Variants in TRPM3 observed in about 807,000 individuals in gnomAD.
The protein encoded by TRPM3 is long transient receptor potential channel 3.
TRPM3 carries 77 observed loss-of-function variants against 181.2 expected under a neutral mutation model. The observed-to-expected ratio is 0.42, with a 90% CI of 0.35 to 0.51. TRPM3 has a LOEUF of 0.51. Among genes scored for constraint, TRPM3 ranks in the 20% least tolerant of loss-of-function variants. The pLI is 0.01. For synonymous variants in TRPM3, 745 were observed against 796.4 expected (o/e 0.94, Z 1.09); for missense variants, 1,759 against 2,196.7 (o/e 0.80, Z 3.98).
At chr9:70,983,467 T>G (rs990976842) in intron 1 of TRPM3, among the ~76,000 whole-genome samples, 2 of 152,146 alleles carry the variant, frequency 1.3e-5, no homozygotes, top group African/African-American at 4.8e-5. Context: ...TGTGCCAGCA[T>G]TTTCTCTCTC....
intron 6 of TRPM3, among the ~76,000 whole-genome samples, chr9:70,796,147 G>A (rs2086963080): frequency 1.3e-5 from 2 of 152,106 alleles, no homozygotes; most frequent in South Asian, 2.1e-4. Flanking sequence ...TTTATAATAC[G>A]CTACCCATGT....
At chr9:71,329,167 A>T (rs1034735664) in intron 1 of TRPM3, among the ~76,000 whole-genome samples, 2 of 152,254 alleles carry the variant, frequency 1.3e-5, no homozygotes, top group Non-Finnish European at 2.9e-5. Flanking sequence ...CACACATAAC[A>T]GTAACAGTAG....
At chr9:70,869,252 C>G (rs972458885) in intron 1 of TRPM3, among the ~76,000 whole-genome samples, 8 of 151,920 alleles carry the variant, frequency 5.3e-5, no homozygotes, top group African/African-American at 1.7e-4. Context: ...TCAAACACTG[C>G]TTGATTTGAA....
chr9:70,752,859 C>T (rs1216790701), intron 8 of TRPM3, among the ~76,000 whole-genome samples: 1 of 152,128 alleles, frequency 6.6e-6, no homozygotes, highest in Non-Finnish European at 1.5e-5. Flanking sequence ...CCTGTACTCT[C>T]AGCACTTTGG....
intron 3 of TRPM3, 101 bp downstream of exon 3, chr9:70,862,807 A>C (rs2095555624): frequency 8.5e-7 from 1 of 1,173,368 alleles, no homozygotes; most frequent in Non-Finnish European, 1.3e-6. Context: ...GGCAGAGTGG[A>C]GATTAGGCCC....
chr9:70,611,481 C>T (rs2061993384), intron 18 of TRPM3, among the ~76,000 whole-genome samples: 1 of 152,142 alleles, frequency 6.6e-6, no homozygotes, highest in Non-Finnish European at 1.5e-5. Context: ...CCATATAAGA[C>T]ATGCCTTGCT....
chr9:71,349,312 C>T (rs2091467479), intron 1 of TRPM3, among the ~76,000 whole-genome samples: 2 of 152,128 alleles, frequency 1.3e-5, no homozygotes, highest in Admixed American at 1.3e-4. Flanking sequence ...GGACCTTGTA[C>T]TGTTTTGAAA....
intron 4 of TRPM3, among the ~76,000 whole-genome samples, chr9:70,844,997 A>T (rs1373764445): frequency 6.6e-6 from 1 of 152,204 alleles, no homozygotes; most frequent in Non-Finnish European, 1.5e-5. Context: ...TTTGATTACT[A>T]CAGGATAAGG....
chr9:71,336,939 T>C (rs1199879918), intron 1 of TRPM3, among the ~76,000 whole-genome samples: 2 of 152,146 alleles, frequency 1.3e-5, no homozygotes, highest in African/African-American at 2.4e-5. Flanking sequence ...TTACACCTTA[T>C]ACAAAATTTA....
At chr9:71,077,464 C>A (rs530761124) in intron 1 of TRPM3, among the ~76,000 whole-genome samples, 1 of 152,204 alleles carries the variant, frequency 6.6e-6, no homozygotes, top group South Asian at 2.1e-4. Flanking sequence ...CATAGATATA[C>A]ATATCCTATG....
intron 1 of TRPM3, among the ~76,000 whole-genome samples, chr9:70,941,691 G>A (rs1031012569): frequency 2.0e-5 from 3 of 152,194 alleles, no homozygotes; most frequent in African/African-American, 7.2e-5. Context: ...AGAAAGGCAA[G>A]AGGCATTTTA....
At chr9:70,831,194 G>T (rs1233909320) in intron 5 of TRPM3, among the ~76,000 whole-genome samples, 2 of 152,048 alleles carry the variant, frequency 1.3e-5, no homozygotes, top group Non-Finnish European at 2.9e-5. Flanking sequence ...ATTCTTCATA[G>T]CAAACGTACC....
Position 71,121,572 on chromosome 9 carries a change from G to T in TRPM3, c.-218C>A. 7.4e-7 allele frequency: 1 copy of T among 1,351,650 alleles called. No individual in the cohort carries two copies. Among genetic ancestry groups the T allele is most frequent in the Non-Finnish European group, 9.5e-7 (1 of 1,054,256 alleles). 83.7% of individuals were successfully genotyped at this position (1,351,650 alleles called of 1,614,324 possible). Reference sequence around the variant, plus strand: ...TGCACGATTTTGAAGAAGAGGGACAGCCTGCACAAAACAGCCTGTGGTCGG... The same window carrying T: ...TGCACGATTTTGAAGAAGAGGGACATCCTGCACAAAACAGCCTGTGGTCGG... On this transcript the variant is annotated 5_prime_UTR_variant, in exon 1 of 26. In the 5' UTR this introduces an upstream ATG that the reference lacks. Coordinates refer to ENST00000677713, the MANE Select transcript of TRPM3 (RefSeq NM_001366145.2).
intron 7 of TRPM3, among the ~76,000 whole-genome samples, chr9:70,781,446 T>A (rs1248752196): frequency 3.3e-5 from 5 of 151,834 alleles, no homozygotes; most frequent in Non-Finnish European, 5.9e-5. Flanking sequence ...GTTGATCAGC[T>A]TGGACACTGG....
intron 9 of TRPM3, among the ~76,000 whole-genome samples, chr9:70,650,827 T>G (rs2133781659): frequency 6.6e-6 from 1 of 152,316 alleles, no homozygotes; most frequent in African/African-American, 2.4e-5. Context: ...CATTCTTGAG[T>G]GCTATTCATA....
At chr9:70,918,763 A>C (rs2096626385) in intron 1 of TRPM3, among the ~76,000 whole-genome samples, 2 of 152,202 alleles carry the variant, frequency 1.3e-5, no homozygotes, top group Admixed American at 6.5e-5. Context: ...AGAAATAATA[A>C]AGATCAGAGC....
chr9:71,085,157 G>A (rs146435229), intron 1 of TRPM3, among the ~76,000 whole-genome samples: 161 of 152,086 alleles, frequency 1.1e-3, no homozygotes, highest in African/African-American at 3.7e-3. Flanking sequence ...TTAAATGTAA[G>A]ACCTCAAACT....
At chr9:70,861,822 A>G (rs1034161022) in intron 3 of TRPM3, among the ~76,000 whole-genome samples, 1 of 152,014 alleles carries the variant, frequency 6.6e-6, no homozygotes, top group Non-Finnish European at 1.5e-5. Flanking sequence ...TTTTCTTTCT[A>G]AAATATCGTT....
intron 8 of TRPM3, among the ~76,000 whole-genome samples, chr9:70,759,173 A>G (rs2077629158): frequency 6.6e-6 from 1 of 152,260 alleles, no homozygotes; most frequent in Admixed American, 6.5e-5. Context: ...TGGGCAAAGG[A>G]TATGAACAGA....
Sources: gnomAD v4.1 joint callset for allele counts (sites outside exome capture counted in the v4.1 genomes callset) on GRCh38, gnomAD v4.1.1 for gene constraint, MANE v1.5 for transcripts, NCBI Gene and HGNC (gene_info 2026-07-23, HGNC 2026-07-21) for gene names.